Variants in PRPF3 observed in about 807,000 individuals in gnomAD.
PRPF3 encodes the protein pre-mRNA processing factor 3, also known as U4/U6 small nuclear ribonucleoprotein Prp3.
In PRPF3, 3 loss-of-function variants were observed where a neutral mutation model predicts 89.2. The observed-to-expected ratio is 0.03, with a 90% CI of 0.02 to 0.09. The LOEUF (loss-of-function observed/expected upper bound fraction) is 0.09. PRPF3 is among the 10% of genes least tolerant of loss of function. The pLI, the probability that PRPF3 is intolerant of heterozygous loss-of-function variation, is 1.00. For missense variants in PRPF3, 463 were observed against 828.8 expected, an observed-to-expected ratio of 0.56 and a Z score of 5.42; for synonymous variants, 270 against 289.1, an observed-to-expected ratio of 0.93 and a Z score of 0.67.
In PRPF3 at chr1:150,325,082, C is replaced by T. The variant is rs1553863360; in HGVS notation, c.140C>T (p.Ala47Val). The change falls in exon 2 of 16, where the codon GCA becomes GTA. Residue 47 changes from alanine (A) to valine (V), a missense_variant. Ala to Val is a moderately conservative substitution (Grantham distance 64, BLOSUM62 0). Transcript: ENST00000324862. ...GGGAAGGGCATGGACAAGAAGAAGGCAGCCGGTATGTACCTTTCTGCATCT... is the reference window on the plus strand; with the variant it reads ...GGGAAGGGCATGGACAAGAAGAAGGTAGCCGGTATGTACCTTTCTGCATCT... ...CVGKGMDKKK[A>V]ADHLKPFLDD... 1 of 1,613,366 alleles carries T rather than the reference C, an allele frequency of 6.2e-7. No individual in the cohort carries two copies. The highest frequency in any genetic ancestry group is 8.5e-7 in the Non-Finnish European group (1 of 1,179,624).
rs929605777 is a variant in PRPF3, at chr1:150,350,494, G to A, written c.1905+1276G>A. ...ATTACAGGCATGAGTCACTGCGCCC[G>A]GCCATATATCTTCTATTTTTAAAAT... On this transcript the variant is annotated intron_variant, in intron 15 of 15. Transcript: ENST00000324862. Among the ~76,000 whole-genome samples the A allele has an allele frequency of 5.3e-5, 8 of 152,010 alleles. No homozygotes were observed. The South Asian group carries it at 6.2e-4, about 12-fold the overall frequency.
chr1:150,334,618 G>C (rs587602114), intron 6 of PRPF3, among the ~76,000 whole-genome samples: 4 of 151,722 alleles, frequency 2.6e-5, no homozygotes, highest in African/African-American at 9.7e-5. Flanking sequence ...CACCACACCC[G>C]TCCATCCAAA....
intron 8 of PRPF3, among the ~76,000 whole-genome samples, chr1:150,338,637 C>T (rs1553869007): frequency 6.6e-6 from 1 of 152,054 alleles, no homozygotes; most frequent in Admixed American, 6.6e-5. Flanking sequence ...ATCTCAGCCC[C>T]TCAAGTAGCT....
rs1165154683 is a variant in PRPF3, at chr1:150,335,218, A to G, written c.1012A>G (p.Ile338Val). The G allele has an allele frequency of 6.2e-7, 1 of 1,614,150 alleles. No individual in the cohort carries two copies. Among genetic ancestry groups the G allele is most frequent in the Non-Finnish European group, 8.5e-7 (1 of 1,180,008 alleles). The change falls in exon 7 of 16, where the codon ATT becomes GTT. Residue 338 changes from isoleucine (I) to valine (V), a missense_variant. Transcript: ENST00000324862. ...CCATGACAAGGGCAAATTTGAGAAG[A>G]TTGCTCAGCGATTACGGACAAAGGT... ...KFHDKGKFEK[I>V]AQRLRTKAQL...
In PRPF3 at chr1:150,332,114, C is replaced by T. The variant is rs1422410027; in HGVS notation, c.424-570C>T. ...TGGTGGGCGCCTATAGTCCCAGCTA[C>T]TCGGGATGCTGAGGCAGGAGAATGG... is the stretch of plus-strand genomic sequence containing the variant. On this transcript the variant is annotated intron_variant, in intron 4 of 15. Coordinates refer to ENST00000324862, the MANE Select transcript of PRPF3 (RefSeq NM_004698.4). Among the ~76,000 whole-genome samples the T allele has an allele frequency of 2.0e-5, 3 of 151,888 alleles. No homozygotes were observed. In the East Asian group the frequency reaches 5.8e-4, roughly 29 times the overall value.
chr1:150,342,937 A>G (rs587763434), intron 9 of PRPF3, among the ~76,000 whole-genome samples: 1 of 152,326 alleles, frequency 6.6e-6, no homozygotes, highest in South Asian at 2.1e-4. Context: ...TCAAAGTGCT[A>G]GAATTACAGG....
chr1:150,349,815 C>T (rs915995057), intron 15 of PRPF3, among the ~76,000 whole-genome samples: 3 of 139,604 alleles, frequency 2.1e-5, no homozygotes, highest in Non-Finnish European at 4.5e-5. Flanking sequence ...TCTTAGAGAA[C>T]CAGTATTAAA....
chr1:150,321,804 G>A (rs1297095710), intron 1 of PRPF3, among the ~76,000 whole-genome samples: 1 of 152,020 alleles, frequency 6.6e-6, no homozygotes, highest in Admixed American at 6.6e-5. Flanking sequence ...CCAGCTCTGG[G>A]GTGAGGAGTT....
In PRPF3 at chr1:150,333,110, C is replaced by A. The variant is rs1411712269; in HGVS notation, c.639C>A (p.Ile213=). ...AAGCAGCTGAACTGCAAGCTCGAAT[C>A]CAAGCCCAGCTGGCACTGAAGCCAG... ...ARKAAELQAR[I]QAQLALKPGL... is the part of the protein sequence containing the mutation. Residue 213 remains isoleucine, a synonymous_variant, in exon 6 of 16, where the codon ATC becomes ATA. Transcript: ENST00000324862. 1.2e-6 allele frequency: 2 copies of A among 1,614,228 alleles called. No homozygotes were observed. Among genetic ancestry groups the A allele is most frequent in the Non-Finnish European group, 1.7e-6 (2 of 1,180,038 alleles).
chr1:150,349,206 A>G lies in PRPF3; in HGVS notation c.1893A>G (p.Val631=), dbSNP rs782157854. The change falls in exon 15 of 16, where the codon GTA becomes GTG. Residue 631 remains valine (V), a synonymous_variant. Transcript: ENST00000324862. ...EEAVKKTNKC[V]LVWEGTAKDR... ...CTGTGAAGAAAACCAACAAATGTGT[A>G]CTAGTCTGGGAGGTAGGTGATCCTT... The G allele has an allele frequency of 1.9e-6, 3 of 1,613,438 alleles. No individual in the cohort carries two copies. Among genetic ancestry groups the G allele is most frequent in the African/African-American group, 2.7e-5 (2 of 74,914 alleles).
At chr1:150,340,614 G>GT in intron 9 of PRPF3, 137 bp downstream of exon 9, 2 of 732,182 alleles carry the variant, frequency 2.7e-6, no homozygotes, top group South Asian at 1.6e-5. Context: ...TTTTAATTCA[G>GT]TTTTTTTCCT....
intron 12 of PRPF3, chr1:150,345,699 T>C (rs1658211936): frequency 2.7e-6 from 1 of 367,988 alleles, no homozygotes; most frequent in African/African-American, 2.1e-5. Context: ...AAAAAGTCTG[T>C]AGGTCTTTAC....
chr1:150,325,626 A>G (rs781857298), intron 2 of PRPF3, 125 bp from the exon 3 acceptor site: 4 of 1,280,540 alleles, frequency 3.1e-6, no homozygotes, highest in Non-Finnish European at 3.4e-6. Context: ...TGGGAATCCT[A>G]CAAAAAACTT....
chr1:150,326,293 G>T lies in PRPF3; in HGVS notation c.276+412G>T, dbSNP rs1035414901. Among the ~76,000 whole-genome samples, 32 of 152,026 alleles carry T rather than the reference G, an allele frequency of 2.1e-4. 1 individual carries two copies. The highest frequency in any genetic ancestry group is 4.4e-4 in the Non-Finnish European group (30 of 68,010). ...ACCTCATTGTTGCCTCTTTGTAGAG[G>T]TTTCTCTGCAATGCACTTGTAGATA... On this transcript the variant is annotated intron_variant, in intron 3 of 15. Coordinates refer to ENST00000324862, the MANE Select transcript of PRPF3 (RefSeq NM_004698.4).
At chr1:150,343,522 T>C (rs1553872040) in intron 10 of PRPF3, 70 bp downstream of exon 10, 15 of 1,564,766 alleles carry the variant, frequency 9.6e-6, no homozygotes, top group Admixed American at 1.7e-5. Context: ...GGAGGAACTT[T>C]AACATCTCTG....
chr1:150,338,288 G>A lies in PRPF3; in HGVS notation c.1164G>A (p.Glu388=). The A allele has an allele frequency of 1.2e-6, 2 of 1,614,094 alleles. No individual in the cohort carries two copies. The highest frequency in any genetic ancestry group is 1.1e-5 in the South Asian group (1 of 91,084). The change falls in exon 8 of 16, where the codon GAG becomes GAA. Residue 388 remains glutamate, a synonymous_variant. Transcript: ENST00000324862. ...ELKEGDIPEI[E]WWDSYIIPNG... ...AGGAAGGAGATATTCCTGAAATTGAGTGGTGGGACTCTTACATAATCCCCA... is the reference window on the plus strand; with the variant it reads ...AGGAAGGAGATATTCCTGAAATTGAATGGTGGGACTCTTACATAATCCCCA...
chr1:150,325,244 T>G (rs1448932161), intron 2 of PRPF3, among the ~76,000 whole-genome samples, 157 bp downstream of exon 2: 1 of 152,196 alleles, frequency 6.6e-6, no homozygotes, highest in African/African-American at 2.4e-5. Context: ...TAAATAATAA[T>G]TTGCTTTTTC....
intron 12 of PRPF3, chr1:150,345,710 A>G (rs587600242): frequency 4.5e-5 from 17 of 377,478 alleles, no homozygotes; most frequent in South Asian, 3.2e-4. Context: ...AGGTCTTTAC[A>G]TTGTCAAGAA....
chr1:150,333,296 A>G, intron 6 of PRPF3, 97 bp downstream of exon 6: 1 of 1,357,020 alleles, frequency 7.4e-7, no homozygotes, highest in South Asian at 1.2e-5. Flanking sequence ...GCAGTGCCTC[A>G]GGCCTGTAAT....
Sources: allele counts gnomAD v4.1 joint callset (sites outside exome capture counted in the v4.1 genomes callset), GRCh38; gene constraint gnomAD v4.1.1; transcripts MANE v1.5; gene names NCBI Gene and HGNC (gene_info 2026-07-23, HGNC 2026-07-21).